Variants in PCDHGA1 observed in about 807,000 individuals in gnomAD.
The protein encoded by PCDHGA1 is protocadherin gamma subfamily A, 1.
PCDHGA1 carries 32 observed loss-of-function variants against 58.0 expected under a neutral mutation model. The ratio of observed to expected loss-of-function variants is 0.55; its 90% CI spans 0.42 to 0.74. The LOEUF (loss-of-function observed/expected upper bound fraction) is 0.74, where lower values mean the gene tolerates loss of function less well. Ranked by LOEUF, PCDHGA1 falls within the 30% of genes least tolerant of loss-of-function variation. PCDHGA1 has a pLI of 0.00. For missense variants in PCDHGA1, 1,205 were observed against 1,182.3 expected (o/e 1.02, Z -0.28); for synonymous variants, 498 against 501.1 (o/e 0.99, Z 0.08).
rs752883568 is a variant in PCDHGA1, at chr5:141,331,375, C to T, written c.691C>T (p.Gln231Ter). Residue 231 changes from glutamine to a stop codon, truncating the protein, a stop_gained, in exon 1 of 4, where the codon CAG (glutamine) becomes TAG (stop). Coordinates refer to ENST00000517417, the MANE Select transcript of PCDHGA1 (RefSeq NM_018912.3). LOFTEE classifies it high-confidence loss of function. Reference protein sequence around the residue: ...VRSGTLRIYIQVVDANDNPPA... With the variant: ...VRSGTLRIYI ...TTCAGGGACCCTCAGAATTTACATT[C>T]AGGTGGTGGATGCAAATGACAATCC... 5 of 1,614,172 alleles carry T rather than the reference C, an allele frequency of 3.1e-6. No individual in the cohort carries two copies. Among genetic ancestry groups the T allele is most frequent in the Admixed American group, 1.7e-5 (1 of 60,028 alleles).
intron 1 of PCDHGA1, among the ~76,000 whole-genome samples, chr5:141,438,149 A>G (rs1441404688): frequency 6.6e-6 from 1 of 152,220 alleles, no homozygotes; most frequent in African/African-American, 2.4e-5. Context: ...TAGCCAGCCT[A>G]TGGCAAAGCT....
At chr5:141,478,862 C>A in intron 1 of PCDHGA1, 1 of 1,326,032 alleles carries the variant, frequency 7.5e-7, no homozygotes, top group Non-Finnish European at 1.0e-6. Context: ...AAGATCTCAG[C>A]GATCAGAGTT....
At chr5:141,437,999 C>T (rs1230507077) in intron 1 of PCDHGA1, among the ~76,000 whole-genome samples, 1 of 152,062 alleles carries the variant, frequency 6.6e-6, no homozygotes, top group African/African-American at 2.4e-5. Flanking sequence ...CCTCAGCCTC[C>T]CAAATAGCTG....
intron 1 of PCDHGA1, chr5:141,429,167 T>TATAC (rs1240034860): frequency 3.1e-4 from 42 of 136,210 alleles, no homozygotes; most frequent in African/African-American, 7.0e-4. Flanking sequence ...AGACATTGTT[T>TATAC]ATACACACAC....
intron 1 of PCDHGA1, chr5:141,441,917 A>G (rs979307331): frequency 3.1e-5 from 11 of 352,364 alleles, no homozygotes; most frequent in African/African-American, 2.0e-4. Context: ...GATGTGAGAC[A>G]CAATGCGTGG....
At chr5:141,441,744 G>A (rs913393900) in intron 1 of PCDHGA1, 7 of 366,408 alleles carry the variant, frequency 1.9e-5, no homozygotes, top group African/African-American at 1.1e-4. Context: ...GCTCGCGCTC[G>A]GCGTCAACGT....
intron 1 of PCDHGA1, among the ~76,000 whole-genome samples, chr5:141,458,339 T>A (rs1380637284): frequency 2.0e-5 from 3 of 150,846 alleles, no homozygotes; most frequent in Non-Finnish European, 3.0e-5. Context: ...TTTTAAGGAG[T>A]GGAGAGTTTA....
At position 141,510,979 on chromosome 5, in the gene PCDHGA1, G is replaced by T; in HGVS notation, c.2602G>T (p.Gly868Cys). 3.7e-6 allele frequency: 6 copies of T among 1,614,156 alleles called. No individual in the cohort carries two copies. Among genetic ancestry groups the T allele is most frequent in the Non-Finnish European group, 4.2e-6 (5 of 1,180,018 alleles). Residue 868 changes from glycine to cysteine, a missense_variant, in exon 4 of 4, where the codon GGT becomes TGT. Gly to Cys is a radical substitution (Grantham distance 159). Coordinates refer to ENST00000517417, the MANE Select transcript of PCDHGA1 (RefSeq NM_018912.3). ...TGATGGGAGCTCCACCCTGGGAGGGGGTGCCGGCACCATGGGATTGAGCGC... is the reference window on the plus strand; with the variant it reads ...TGATGGGAGCTCCACCCTGGGAGGGTGTGCCGGCACCATGGGATTGAGCGC... Reference protein sequence around the residue: ...AADGSSTLGGGAGTMGLSARY... With the variant: ...AADGSSTLGGCAGTMGLSARY...
At chr5:141,362,036 A>G in intron 1 of PCDHGA1, 1 of 1,609,914 alleles carries the variant, frequency 6.2e-7, no homozygotes, top group South Asian at 1.1e-5. Context: ...GCCTTGGGCG[A>G]CAGGGACGCG....
At chr5:141,500,227 G>T (rs959087347) in intron 2 of PCDHGA1, among the ~76,000 whole-genome samples, 15 of 116,224 alleles carry the variant, frequency 1.3e-4, no homozygotes, top group African/African-American at 2.9e-4. Context: ...TTTATTTATT[G>T]ATACGTAGCC....
At chr5:141,349,152 C>T (rs1432074421) in intron 1 of PCDHGA1, among the ~76,000 whole-genome samples, 1 of 152,170 alleles carries the variant, frequency 6.6e-6, no homozygotes, top group African/African-American at 2.4e-5. Context: ...CTCACTGCAA[C>T]CTCTGCCTCC....
In PCDHGA1 at chr5:141,421,851, T is replaced by A. The variant is rs771169063; in HGVS notation, c.2422-72956T>A. 16 of 1,613,596 alleles carry A rather than the reference T, an allele frequency of 9.9e-6. No homozygotes were observed. The Middle Eastern group carries it at 4.9e-4, about 50-fold the overall frequency. On this transcript the variant is annotated intron_variant, in intron 1 of 3. Coordinates refer to ENST00000517417, the MANE Select transcript of PCDHGA1 (RefSeq NM_018912.3). ...GCCTGGACCGAGAGAAAGAGGCTGC[T>A]CACCTGCTCCTCCTCACAGCTTTAG...
chr5:141,434,277 A>G (rs760937958), intron 1 of PCDHGA1, among the ~76,000 whole-genome samples: 4 of 152,172 alleles, frequency 2.6e-5, no homozygotes, highest in Non-Finnish European at 4.4e-5. Flanking sequence ...AATTAGAGGT[A>G]TTCTCTGTTT....
chr5:141,413,218 A>G, intron 1 of PCDHGA1: 1 of 1,613,610 alleles, frequency 6.2e-7, no homozygotes. Flanking sequence ...AAAGGATTGC[A>G]GCGGGCTGGT....
rs1322030929 is a variant in PCDHGA1 at position 141,334,776 on chromosome 5, T to G, written c.2421+1671T>G. The G allele has an allele frequency of 6.6e-6, 1 of 152,248 alleles. No individual in the cohort carries two copies. The highest frequency in any genetic ancestry group is 3.4e-3 in the Middle Eastern group (1 of 296). 9.4% of individuals were successfully genotyped at this position (152,248 alleles called of 1,614,324 possible). A position where few individuals can be genotyped will look rare whatever the true frequency, so the allele number is the denominator to read the frequency against. On this transcript the variant is annotated intron_variant, in intron 1 of 3. Transcript: ENST00000517417. The surrounding 1 kb of genome is among the most constrained non-coding windows in gnomAD (Gnocchi z 4.6). ...TCCAGAATATCACTGCTGTGCATCA[T>G]TAAAGCGTCATTAAGAGACCTAGTT...
In PCDHGA1 at chr5:141,403,922, G is replaced by A. The variant is rs770450211; in HGVS notation, c.2421+70817G>A. ...TGAAATGGAAATACAAGCTGAAGAT[G>A]GTGGGGGATTGAAAGGGTGGACAAA... On this transcript the variant is annotated intron_variant, in intron 1 of 3. Transcript: ENST00000517417. 6.2e-6 allele frequency: 10 copies of A among 1,613,904 alleles called. No individual in the cohort carries two copies. The East Asian group carries it at 2.2e-4, about 36-fold the overall frequency.
intron 1 of PCDHGA1, chr5:141,395,542 TTG>T (rs55729045): frequency 0.047 from 8,055 of 172,168 alleles, 192 homozygotes; most frequent in African/African-American, 0.072. Flanking sequence ...TTGCTATTGT[TTG>T]TGTGTGTGTG....
At chr5:141,400,756 C>G (rs1220648843) in intron 1 of PCDHGA1, 1 of 584,890 alleles carries the variant, frequency 1.7e-6, no homozygotes, top group African/African-American at 1.9e-5. Context: ...AGCTTCCTCT[C>G]TAGCAAAAAC....
chr5:141,390,874 G>C (rs2092257325), intron 1 of PCDHGA1: 1 of 153,302 alleles, frequency 6.5e-6, no homozygotes, highest in Non-Finnish European at 1.4e-5. Context: ...GTGCGTGTGT[G>C]TGTGTGTGTG....
Sources: gnomAD v4.1 joint callset for allele counts (sites outside exome capture counted in the v4.1 genomes callset) on GRCh38, gnomAD v4.1.1 for gene constraint, Gnocchi (gnomAD v3.1) non-coding constraint, MANE v1.5 for transcripts, NCBI Gene and HGNC (gene_info 2026-07-23, HGNC 2026-07-21) for gene names.